Variants in FOXP2 observed in about 807,000 individuals in gnomAD.
FOXP2 encodes forkhead box P2, also known as forkhead box protein P2.
Under a neutral mutation model 115.8 loss-of-function variants are expected in FOXP2, and 12 were observed. That is an observed-to-expected ratio of 0.10 (90% CI 0.07 to 0.17). The LOEUF is 0.17. FOXP2 is among the 10% of genes least tolerant of loss of function. The pLI, the probability that FOXP2 is intolerant of heterozygous loss-of-function variation, is 1.00. For missense variants in FOXP2, 629 were observed against 843.5 expected (o/e 0.75, Z 3.15); for synonymous variants, 328 against 297.7 (o/e 1.10, Z -1.05).
intron 1 of FOXP2, among the ~76,000 whole-genome samples, chr7:114,233,751 G>A (rs866281797): frequency 2.0e-5 from 3 of 152,202 alleles, no homozygotes; most frequent in South Asian, 2.1e-4. Flanking sequence ...GGTGGCTCAC[G>A]CCTGTAATCC....
intron 1 of FOXP2, among the ~76,000 whole-genome samples, chr7:114,229,030 AG>A: frequency 6.6e-6 from 1 of 151,660 alleles, no homozygotes; most frequent in Non-Finnish European, 1.5e-5. Flanking sequence ...GGACACACAC[AG>A]ACTTTAAGTG....
intron 2 of FOXP2, among the ~76,000 whole-genome samples, chr7:114,344,666 T>G (rs1265702046): frequency 6.6e-6 from 1 of 151,864 alleles, no homozygotes; most frequent in African/African-American, 2.4e-5. Flanking sequence ...AGAGTAGTTA[T>G]TCTGTTAACC....
chr7:114,378,703 G>GAAAAAAAAAAAAAAAAAAAAAAAAA (rs1792203473), intron 2 of FOXP2, among the ~76,000 whole-genome samples: 3 of 36,234 alleles, frequency 8.3e-5, no homozygotes, highest in Admixed American at 2.9e-4. Context: ...AAAAAAAAAG[G>GAAAAAAAAAAAAAAAAAAAAAAAAA]AAAAGAAAAA....
intron 1 of FOXP2, among the ~76,000 whole-genome samples, chr7:114,254,866 G>A (rs756605979): frequency 6.6e-5 from 10 of 152,136 alleles, no homozygotes; most frequent in East Asian, 1.9e-4. Flanking sequence ...GGGGAGACGC[G>A]CTCTCATTTT....
At chr7:114,369,876 C>T (rs2694943) in intron 2 of FOXP2, among the ~76,000 whole-genome samples, 63,038 of 151,824 alleles carry the variant, frequency 0.42, 14,164 homozygotes, top group East Asian at 0.86. Context: ...TCATATTCAA[C>T]GGATTATATT....
At chr7:114,402,031 A>G (rs1429789079) in intron 2 of FOXP2, among the ~76,000 whole-genome samples, 1 of 152,192 alleles carries the variant, frequency 6.6e-6, no homozygotes, top group Non-Finnish European at 1.5e-5. Flanking sequence ...CTGAGGCACA[A>G]GATTCCCTTG....
chr7:114,476,512 G>T (rs1796270664), intron 2 of FOXP2, among the ~76,000 whole-genome samples: 1 of 151,914 alleles, frequency 6.6e-6, no homozygotes, highest in African/African-American at 2.4e-5. Flanking sequence ...ATGCTGTTTT[G>T]GTTACTGTAG....
chr7:114,296,257 AT>A (rs900542987), intron 2 of FOXP2, among the ~76,000 whole-genome samples: 172 of 151,616 alleles, frequency 1.1e-3, no homozygotes, highest in African/African-American at 3.9e-3. Flanking sequence ...TATTGTGATG[AT>A]TTTTTTTTCT....
chr7:114,117,954 C>A (rs1274086330), intron 1 of FOXP2, among the ~76,000 whole-genome samples: 1 of 152,056 alleles, frequency 6.6e-6, no homozygotes, highest in Non-Finnish European at 1.5e-5. Flanking sequence ...TATTCCCATT[C>A]ATGAGTGCTT....
intron 2 of FOXP2, among the ~76,000 whole-genome samples, chr7:114,449,329 A>G (rs946303535): frequency 2.0e-5 from 3 of 152,150 alleles, no homozygotes; most frequent in East Asian, 1.9e-4. Context: ...TGTTGTATTC[A>G]TATATTTTTA....
At chr7:114,384,005 T>C (rs895387387) in intron 2 of FOXP2, among the ~76,000 whole-genome samples, 4 of 152,130 alleles carry the variant, frequency 2.6e-5, no homozygotes, top group African/African-American at 9.7e-5. Flanking sequence ...TCCGGGCTGC[T>C]GGATTCTAGT....
chr7:114,506,942 G>T (rs181576088), intron 2 of FOXP2, among the ~76,000 whole-genome samples: 2 of 151,624 alleles, frequency 1.3e-5, no homozygotes, highest in Non-Finnish European at 3.0e-5. Context: ...AAATGTCTTC[G>T]TAGAATATTG....
rs569010685 is a variant in FOXP2 at position 114,186,191 on chromosome 7, G to A, written c.-102+23103G>A. The stretch of plus-strand genomic sequence containing the variant: ...TCATCCCTGAGCCCTCCAAACTAAC[G>A]TCCTTCTAACATACAAAATAAATTC... On this transcript the variant is annotated intron_variant, in intron 1 of 17. Coordinates refer to the FOXP2 transcript ENST00000634411. Among the ~76,000 whole-genome samples the A allele has an allele frequency of 2.0e-5, 3 of 152,154 alleles. No homozygotes were observed. The South Asian group carries it at 6.2e-4, about 32-fold the overall frequency.
intron 2 of FOXP2, among the ~76,000 whole-genome samples, chr7:114,392,355 G>A (rs1432436418): frequency 6.6e-6 from 1 of 152,198 alleles, no homozygotes; most frequent in African/African-American, 2.4e-5. Flanking sequence ...ATATAACTGA[G>A]AGTAAATGAG....
chr7:114,405,143 T>C (rs1793001758), intron 2 of FOXP2, among the ~76,000 whole-genome samples: 1 of 151,948 alleles, frequency 6.6e-6, no homozygotes, highest in African/African-American at 2.4e-5. Context: ...ATAAATTGTT[T>C]ACTGGTGTTA....
intron 2 of FOXP2, among the ~76,000 whole-genome samples, chr7:114,304,047 T>C (rs1027550888): frequency 6.6e-6 from 1 of 152,162 alleles, no homozygotes; most frequent in African/African-American, 2.4e-5. Flanking sequence ...TACATTGTAG[T>C]CTGTAATAAC....
intron 2 of FOXP2, among the ~76,000 whole-genome samples, chr7:114,364,141 A>G (rs950299624): frequency 2.0e-5 from 3 of 152,150 alleles, no homozygotes; most frequent in Admixed American, 6.6e-5. Context: ...GTTGAATTTC[A>G]TGAAATTTGT....
intron 16 of FOXP2, among the ~76,000 whole-genome samples, chr7:114,681,019 C>A (rs1808059295): frequency 6.6e-6 from 1 of 152,142 alleles, no homozygotes; most frequent in African/African-American, 2.4e-5. Flanking sequence ...TTCTTAGAGG[C>A]AGGTAAGTTT....
chr7:114,153,002 T>A (rs1792567186), intron 1 of FOXP2, among the ~76,000 whole-genome samples: 1 of 152,146 alleles, frequency 6.6e-6, no homozygotes, highest in African/African-American at 2.4e-5. Context: ...ACATAAATGA[T>A]TGAAATGTTT....
Sources: allele counts gnomAD v4.1 joint callset (sites outside exome capture counted in the v4.1 genomes callset), GRCh38; gene constraint gnomAD v4.1.1; transcripts MANE v1.5; gene names NCBI Gene and HGNC (gene_info 2026-07-23, HGNC 2026-07-21).